The following SLCO3A1 variants were observed in gnomAD, a reference collection of about 807,000 sequenced individuals.
SLCO3A1 encodes the protein solute carrier organic anion transporter family member 3A1.
SLCO3A1 carries 27 observed loss-of-function variants against 63.1 expected under a neutral mutation model. The ratio of observed to expected loss-of-function variants is 0.43; its 90% CI spans 0.32 to 0.59. The LOEUF is 0.59. Among genes scored for constraint, SLCO3A1 ranks in the 20% least tolerant of loss-of-function variants. SLCO3A1 has a pLI of 0.09. For synonymous variants in SLCO3A1, 473 were observed against 409.9 expected (o/e 1.15, Z -1.86); for missense variants, 773 against 945.8 (o/e 0.82, Z 2.40).
chr15:91,980,424 TAAAA>T (rs34598127), intron 2 of SLCO3A1, among the ~76,000 whole-genome samples: 1 of 145,694 alleles, frequency 6.9e-6, no homozygotes, highest in Admixed American at 6.9e-5. Flanking sequence ...TCTGAGAGTT[TAAAA>T]AAAAAAAATC....
chr15:92,007,375 G>A (rs1224368689), intron 2 of SLCO3A1, among the ~76,000 whole-genome samples: 2 of 152,230 alleles, frequency 1.3e-5, no homozygotes, highest in Non-Finnish European at 2.9e-5. Context: ...TATGGCTGGA[G>A]TATTGAGGCT....
At chr15:92,153,145 G>T (rs554080297) in intron 9 of SLCO3A1, among the ~76,000 whole-genome samples, 1 of 151,896 alleles carries the variant, frequency 6.6e-6, no homozygotes, top group South Asian at 2.1e-4. Flanking sequence ...CTAGAATAGT[G>T]TTTTTCAACT....
intron 2 of SLCO3A1, among the ~76,000 whole-genome samples, chr15:91,956,102 G>A (rs752605691): frequency 6.6e-5 from 10 of 152,118 alleles, no homozygotes; most frequent in African/African-American, 2.4e-4. Flanking sequence ...CATCCCCTGG[G>A]CGTGCACTGG....
intron 7 of SLCO3A1, among the ~76,000 whole-genome samples, chr15:92,144,998 G>C (rs2048201890): frequency 6.6e-6 from 1 of 152,186 alleles, no homozygotes; most frequent in South Asian, 2.1e-4. Flanking sequence ...GAAGGTACCA[G>C]CAACAAAGAT....
chr15:91,867,101 T>C (rs1328225285), intron 1 of SLCO3A1, among the ~76,000 whole-genome samples: 1 of 150,628 alleles, frequency 6.6e-6, no homozygotes, highest in East Asian at 1.9e-4. Flanking sequence ...GGGCTGGCAC[T>C]GTGGAGTGCC....
intron 2 of SLCO3A1, among the ~76,000 whole-genome samples, chr15:91,982,914 G>A (rs2046005657): frequency 6.6e-6 from 1 of 152,224 alleles, no homozygotes; most frequent in Admixed American, 6.5e-5. Context: ...CTCCAGGGAT[G>A]CCTTCCCTGC....
chr15:91,941,285 C>T lies in SLCO3A1; in HGVS notation c.646+24827C>T, dbSNP rs910794897. 1.2e-4 allele frequency: 31 copies of T among 259,684 alleles called. No homozygotes were observed. Among genetic ancestry groups the T allele is most frequent in the South Asian group, 8.8e-4 (23 of 26,276 alleles). The allele number at this position is 259,684 out of a possible 1,614,324, so 16.1% of individuals were successfully genotyped here. A position where few individuals can be genotyped will look rare whatever the true frequency, so the allele number is the denominator to read the frequency against. ...CTGGTTTAGGTGTGTTGGGGCAGGG[C>T]GGGGCTCGGCTGGGGGGTGGGAGAG... On this transcript the variant is annotated intron_variant, in intron 2 of 9. Transcript: ENST00000318445. The surrounding 1 kb of genome is among the most constrained non-coding windows in gnomAD (Gnocchi z 4.4).
chr15:92,109,902 C>T (rs2047708594), intron 4 of SLCO3A1, among the ~76,000 whole-genome samples: 1 of 152,100 alleles, frequency 6.6e-6, no homozygotes, highest in Non-Finnish European at 1.5e-5. Context: ...TGATGTTAAA[C>T]CAGGTACTTA....
chr15:92,160,949 C>T (rs1245999705), intron 9 of SLCO3A1, among the ~76,000 whole-genome samples: 1 of 151,802 alleles, frequency 6.6e-6, no homozygotes, highest in Non-Finnish European at 1.5e-5. Context: ...CCCTGAGATA[C>T]AGGTTTGATT....
At chr15:91,990,093 G>T (rs115639044) in intron 2 of SLCO3A1, among the ~76,000 whole-genome samples, 1,899 of 152,214 alleles carry the variant, frequency 0.012, 41 homozygotes, top group African/African-American at 0.043. Flanking sequence ...TAAAATGATG[G>T]CGGGAGGGCG....
At chr15:91,903,736 C>T (rs776660780) in intron 1 of SLCO3A1, among the ~76,000 whole-genome samples, 8 of 152,186 alleles carry the variant, frequency 5.3e-5, no homozygotes, top group Non-Finnish European at 1.2e-4. Flanking sequence ...TGCTCAGGAG[C>T]AGGGCAGCAT....
intron 2 of SLCO3A1, among the ~76,000 whole-genome samples, chr15:92,038,906 A>T (rs2046760792): frequency 6.6e-6 from 1 of 152,212 alleles, no homozygotes; most frequent in Admixed American, 6.5e-5. Flanking sequence ...CAAAAAAGAC[A>T]TATAGACCAA....
chr15:92,023,255 T>C (rs1027052034), intron 2 of SLCO3A1, among the ~76,000 whole-genome samples: 8 of 152,218 alleles, frequency 5.3e-5, no homozygotes, highest in Non-Finnish European at 1.2e-4. Context: ...AATCCACCTT[T>C]CTTTACAGAA....
At chr15:92,128,550 CAA>C in intron 7 of SLCO3A1, 61 bp downstream of exon 7, 1 of 1,477,178 alleles carries the variant, frequency 6.8e-7, no homozygotes, top group Non-Finnish European at 9.1e-7. Flanking sequence ...GCTTAAAACC[CAA>C]GTTTTTGCCC....
chr15:91,988,263 G>C (rs765619743), intron 2 of SLCO3A1, among the ~76,000 whole-genome samples: 9 of 151,876 alleles, frequency 5.9e-5, no homozygotes, highest in Non-Finnish European at 1.0e-4. Flanking sequence ...CGGGCATGGT[G>C]GGGGGAGGAG....
chr15:91,861,451 G>A (rs1288428183), intron 1 of SLCO3A1, among the ~76,000 whole-genome samples: 1 of 152,154 alleles, frequency 6.6e-6, no homozygotes, highest in Non-Finnish European at 1.5e-5. Context: ...CGATTGTTTA[G>A]TAGAAACGGT....
intron 2 of SLCO3A1, among the ~76,000 whole-genome samples, chr15:92,018,240 T>C (rs1274850663): frequency 6.6e-6 from 1 of 152,200 alleles, no homozygotes; most frequent in Non-Finnish European, 1.5e-5. Flanking sequence ...TTGCTAAGTC[T>C]TTGTTTGGCC....
downstream of SLCO3A1, among the ~76,000 whole-genome samples, chr15:92,167,639 A>G (rs946724007): frequency 3.9e-5 from 6 of 152,122 alleles, no homozygotes; most frequent in Admixed American, 2.6e-4. Flanking sequence ...AAATTGGAAT[A>G]CTCTCTCACT....
chr15:92,150,837 A>C, intron 8 of SLCO3A1, 113 bp from the exon 9 acceptor site: 1 of 652,998 alleles, frequency 1.5e-6, no homozygotes, highest in East Asian at 2.7e-5. Flanking sequence ...CACTATTAGT[A>C]ATTTTCTAAA....
Sources: gnomAD v4.1 joint callset for allele counts (sites outside exome capture counted in the v4.1 genomes callset) on GRCh38, gnomAD v4.1.1 for gene constraint, Gnocchi (gnomAD v3.1) non-coding constraint, MANE v1.5 for transcripts, NCBI Gene and HGNC (gene_info 2026-07-23, HGNC 2026-07-21) for gene names.